CUBN: variants seen among roughly 807,000 people sequenced by gnomAD.
The protein encoded by CUBN is cubilin, also known as 460 kDa receptor.
Under a neutral mutation model 405.3 loss-of-function variants are expected in CUBN, and 282 were observed. The observed-to-expected ratio is 0.70, with a 90% CI of 0.63 to 0.77. CUBN has a LOEUF of 0.77. Ranked by LOEUF, CUBN falls within the 30% of genes least tolerant of loss-of-function variation. The pLI, the probability that CUBN is intolerant of heterozygous loss-of-function variation, is 0.00. For synonymous variants in CUBN, 1,684 were observed against 1,617.0 expected (o/e 1.04, Z -0.99); for missense variants, 4,514 against 4,475.2 (o/e 1.01, Z -0.25).
chr10:16,833,788 C>T (rs1242681929), intron 64 of CUBN, among the ~76,000 whole-genome samples: 4 of 152,146 alleles, frequency 2.6e-5, no homozygotes, highest in South Asian at 2.1e-4. Context: ...GAAAGGAGCC[C>T]GCTGCCTACA....
intron 28 of CUBN, among the ~76,000 whole-genome samples, chr10:17,003,230 G>A (rs1218435176): frequency 6.6e-6 from 1 of 152,180 alleles, no homozygotes; most frequent in African/African-American, 2.4e-5. Context: ...GGAGGCGGAT[G>A]GATGGGTGCT....
intron 21 of CUBN, among the ~76,000 whole-genome samples, chr10:17,066,999 A>G (rs1203645099): frequency 6.6e-6 from 1 of 152,254 alleles, no homozygotes; most frequent in East Asian, 1.9e-4. Context: ...ACTGAAATGG[A>G]TCAACCTGTT....
rs1393400891 is a variant in CUBN, at chr10:17,109,811, T to C, written c.1016-76A>G. On this transcript the variant is annotated intron_variant, in intron 9 of 66. Transcript: ENST00000377833. ...GGACAAAGCCTGTCTAGGATTCAAA[T>C]ATCATGAAATGGACCAATCAGGGAT... is the stretch of plus-strand genomic sequence containing the variant. 7 of 1,127,928 alleles carry C rather than the reference T, an allele frequency of 6.2e-6. No homozygotes were observed. In the Admixed American group the frequency reaches 1.2e-4, roughly 19 times the overall value. The allele number at this position is 1,127,928 out of a possible 1,614,324, so 69.9% of individuals were successfully genotyped here. A position where few individuals can be genotyped will look rare whatever the true frequency, so the allele number is the denominator to read the frequency against.
intron 60 of CUBN, among the ~76,000 whole-genome samples, chr10:16,850,880 G>A (rs1275346295): frequency 6.6e-6 from 1 of 152,170 alleles, no homozygotes; most frequent in Non-Finnish European, 1.5e-5. Flanking sequence ...GATTATTTGT[G>A]TCACTGACAT....
chr10:17,003,101 G>C (rs566923205), intron 28 of CUBN, among the ~76,000 whole-genome samples: 141 of 152,256 alleles, frequency 9.3e-4, no homozygotes, highest in African/African-American at 3.2e-3. Context: ...TCAGCATTTA[G>C]GGAAATATCT....
intron 15 of CUBN, among the ~76,000 whole-genome samples, chr10:17,086,149 A>G (rs898842715): frequency 1.3e-5 from 2 of 152,076 alleles, no homozygotes; most frequent in Non-Finnish European, 2.9e-5. Context: ...TATTTTTAGT[A>G]GAGACAGGGT....
intron 36 of CUBN, among the ~76,000 whole-genome samples, chr10:16,944,975 CA>C (rs1842738055): frequency 6.6e-6 from 1 of 152,210 alleles, no homozygotes; most frequent in Non-Finnish European, 1.5e-5. Flanking sequence ...CTTTAACCTT[CA>C]CAGTCCTAGA....
intron 14 of CUBN, among the ~76,000 whole-genome samples, chr10:17,089,177 A>G (rs1436251175): frequency 6.6e-6 from 1 of 152,246 alleles, no homozygotes; most frequent in Non-Finnish European, 1.5e-5. Flanking sequence ...TTACATAGCT[A>G]TACAGGTTGT....
chr10:16,874,458 G>A lies in CUBN; in HGVS notation c.9152C>T (p.Pro3051Leu). The change falls in exon 58 of 67, where the codon CCT (proline) becomes CTT (leucine). Residue 3051 changes from proline to leucine, a missense_variant. Pro to Leu is a moderately conservative substitution (Grantham distance 98, BLOSUM62 -3). Around this residue, in one of 5 missense-constraint regions of CUBN, gnomAD observed 1,186 missense variants for 1,186.9 expected, o/e 1.00. Transcript: ENST00000377833. Reference sequence around the variant, plus strand: ...TGGGTAGTCTGCGTATGAATAGGCAGGACTTGTGATGATTCCAGAAGAGAA... The same window carrying A: ...TGGGTAGTCTGCGTATGAATAGGCAAGACTTGTGATGATTCCAGAAGAGAA... ...FNFSSGIITS[P>L]AYSYADYPND... 1 of 1,614,116 alleles carries A rather than the reference G, an allele frequency of 6.2e-7. No homozygotes were observed. Among genetic ancestry groups the A allele is most frequent in the South Asian group, 1.1e-5 (1 of 91,090 alleles).
chr10:17,058,638 A>G (rs1249928710), intron 22 of CUBN, among the ~76,000 whole-genome samples: 4 of 152,198 alleles, frequency 2.6e-5, no homozygotes, highest in Non-Finnish European at 1.5e-5. Context: ...TAATGCATCT[A>G]TTTCTTGAAA....
At position 16,828,817 on chromosome 10, in the gene CUBN, T is replaced by A. The variant is rs886046862; in HGVS notation, c.10752A>T (p.Pro3584=). Residue 3584 remains proline (P), a synonymous_variant, in exon 66 of 67, where the codon CCA becomes CCT. Coordinates refer to ENST00000377833, the MANE Select transcript of CUBN (RefSeq NM_001081.4). ...GPNASSPSSG[P]YCGGDTSIAP... The stretch of plus-strand genomic sequence containing the variant: ...TTGTTTTACTCACGCCTCCGCAGTA[T>A]GGTCCAGAGGATGGAGAGCTGGCGT... 1 of 1,611,072 alleles carries A rather than the reference T, an allele frequency of 6.2e-7. No individual in the cohort carries two copies. Among genetic ancestry groups the A allele is most frequent in the Non-Finnish European group, 8.5e-7 (1 of 1,177,154 alleles).
At chr10:17,095,658 A>G (rs1415951792) in intron 14 of CUBN, among the ~76,000 whole-genome samples, 1 of 152,012 alleles carries the variant, frequency 6.6e-6, no homozygotes, top group Non-Finnish European at 1.5e-5. Context: ...GTATACTGGT[A>G]CAGCCATATT....
chr10:16,915,116 T>C lies in CUBN; in HGVS notation c.7267A>G (p.Ser2423Gly), dbSNP rs1841848410. The C allele has an allele frequency of 1.2e-6, 2 of 1,614,010 alleles. No individual in the cohort carries two copies. The highest frequency in any genetic ancestry group is 1.7e-6 in the Non-Finnish European group (2 of 1,180,000). The change falls in exon 47 of 67, where the codon AGC becomes GGC. Residue 2423 changes from serine (S) to glycine (G), a missense_variant. By Grantham distance (56) the Ser-to-Gly change is moderately conservative. Coordinates refer to ENST00000377833, the MANE Select transcript of CUBN (RefSeq NM_001081.4). ...ACAAACCTGACCACAGCAGTATTGC[T>C]AGAAGTGTCTATGCTGTCAGGAATG... ...NTIPDSIDTS[S>G]NTAVVRFVTD...
At chr10:16,879,816 A>G (rs1840616352) in intron 56 of CUBN, among the ~76,000 whole-genome samples, 1 of 152,226 alleles carries the variant, frequency 6.6e-6, no homozygotes, top group Non-Finnish European at 1.5e-5. Flanking sequence ...AGCCAATTTC[A>G]AGCTATTAAC....
At chr10:17,103,512 C>G (rs1386189173) in intron 12 of CUBN, among the ~76,000 whole-genome samples, 1 of 152,182 alleles carries the variant, frequency 6.6e-6, no homozygotes, top group Admixed American at 6.5e-5. Context: ...CCCTGTGACA[C>G]CCAATTTCAC....
intron 17 of CUBN, among the ~76,000 whole-genome samples, chr10:17,081,213 T>C (rs998800739): frequency 6.6e-6 from 1 of 152,188 alleles, no homozygotes; most frequent in Non-Finnish European, 1.5e-5. Flanking sequence ...CAATGGTACC[T>C]TAATCTTCAT....
chr10:16,954,883 T>A (rs369835228), intron 31 of CUBN, among the ~76,000 whole-genome samples: 4 of 152,162 alleles, frequency 2.6e-5, no homozygotes, highest in Non-Finnish European at 4.4e-5. Context: ...AAATGTGTAA[T>A]GCAAGAATAG....
chr10:17,065,580 C>G lies in CUBN; in HGVS notation c.3067G>C (p.Val1023Leu). Reference protein sequence around the residue: ...LTSSGNSLMLVFVTDSDLAYE... With the variant: ...LTSSGNSLMLLFVTDSDLAYE... ...GCGAGGTCGGAGTCAGTCACAAACA[C>G]CAGCATCAATGAGTTACCACTGCTT... Residue 1023 changes from valine (V) to leucine (L), a missense_variant, in exon 22 of 67, where the codon GTG becomes CTG. Transcript: ENST00000377833. 6.2e-7 allele frequency: 1 copy of G among 1,613,634 alleles called. No homozygotes were observed. The highest frequency in any genetic ancestry group is 8.5e-7 in the Non-Finnish European group (1 of 1,179,646).
chr10:16,968,272 C>T (rs1378176425), intron 31 of CUBN, among the ~76,000 whole-genome samples: 2 of 151,652 alleles, frequency 1.3e-5, no homozygotes, highest in African/African-American at 2.4e-5. Context: ...ATTTTATTGT[C>T]GAATAATGGA....
Sources: allele counts gnomAD v4.1 joint callset (sites outside exome capture counted in the v4.1 genomes callset), GRCh38; gene constraint gnomAD v4.1.1; regional missense constraint gnomAD v4.1.1; transcripts MANE v1.5; gene names NCBI Gene and HGNC (gene_info 2026-07-23, HGNC 2026-07-21).